The following SPIN1 variants were observed in gnomAD, a reference collection of about 807,000 sequenced individuals.
The protein encoded by SPIN1 is spindlin 1, also known as spindlin-1.
A neutral mutation model predicts 26.0 loss-of-function variants in SPIN1; 3 were observed. The observed-to-expected ratio is 0.12, with a 90% CI of 0.05 to 0.30. The LOEUF (loss-of-function observed/expected upper bound fraction) is 0.30, where lower values mean the gene tolerates loss of function less well. Among genes scored for constraint, SPIN1 ranks in the 10% least tolerant of loss-of-function variants. SPIN1 has a pLI of 1.00. For synonymous variants in SPIN1, 101 were observed against 116.5 expected (o/e 0.87, Z 0.86); for missense variants, 126 against 333.4 (o/e 0.38, Z 4.84).
Position 88,403,603 on chromosome 9 carries a change from C to T in SPIN1, c.-159+15065C>T, listed in dbSNP as rs534534606. Among the ~76,000 whole-genome samples the T allele has an allele frequency of 3.9e-5, 6 of 152,056 alleles. No homozygotes were observed. In the South Asian group the frequency reaches 6.2e-4, roughly 16 times the overall value. On this transcript the variant is annotated intron_variant, in intron 1 of 5. Coordinates refer to ENST00000375859, the MANE Select transcript of SPIN1 (RefSeq NM_006717.3). ...GCACACACCTGTAGTCCCAGCTACT[C>T]GGGAGGGTAATGTGGGTGGATCACC...
intron 1 of SPIN1, among the ~76,000 whole-genome samples, chr9:88,395,754 A>T (rs1385033830): frequency 6.6e-6 from 1 of 151,972 alleles, no homozygotes; most frequent in Non-Finnish European, 1.5e-5. Context: ...AGCCTAAAAA[A>T]ATTACATTTT....
intron 1 of SPIN1, among the ~76,000 whole-genome samples, chr9:88,422,716 T>G (rs1235288671): frequency 1.0e-5 from 1 of 99,018 alleles, no homozygotes; most frequent in Non-Finnish European, 2.0e-5. Flanking sequence ...TCTTTTTTCT[T>G]TTTTTTTTTT....
chr9:88,428,436 G>T, intron 2 of SPIN1, among the ~76,000 whole-genome samples: 1 of 152,168 alleles, frequency 6.6e-6, no homozygotes, highest in South Asian at 2.1e-4. Flanking sequence ...GCAATATTTG[G>T]TTTTCTCTTT....
intron 2 of SPIN1, among the ~76,000 whole-genome samples, chr9:88,440,620 C>T (rs1035258831): frequency 6.6e-6 from 1 of 151,702 alleles, no homozygotes; most frequent in Non-Finnish European, 1.5e-5. Flanking sequence ...GCTCTGTTGC[C>T]CAGGCTGGAG....
chr9:88,447,134 G>C (rs1226015324), intron 2 of SPIN1, among the ~76,000 whole-genome samples: 2 of 152,074 alleles, frequency 1.3e-5, no homozygotes, highest in Non-Finnish European at 2.9e-5. Flanking sequence ...GCTATTTTGA[G>C]TAGTTTGTAT....
At chr9:88,427,848 G>A (rs978955209) in intron 2 of SPIN1, among the ~76,000 whole-genome samples, 1 of 151,914 alleles carries the variant, frequency 6.6e-6, no homozygotes, top group Non-Finnish European at 1.5e-5. Context: ...ATCCTCCCGC[G>A]TCAGCCTCCC....
At chr9:88,400,217 T>C (rs1037296459) in intron 1 of SPIN1, among the ~76,000 whole-genome samples, 1 of 152,090 alleles carries the variant, frequency 6.6e-6, no homozygotes, top group South Asian at 2.1e-4. Flanking sequence ...CCCCAGAGAG[T>C]GAGGTGACCC....
chr9:88,471,022 T>A (rs1210496616), intron 5 of SPIN1, among the ~76,000 whole-genome samples: 1 of 152,358 alleles, frequency 6.6e-6, no homozygotes, highest in African/African-American at 2.4e-5. Context: ...TTATCAGATA[T>A]ATGTTGCAAA....
intron 5 of SPIN1, among the ~76,000 whole-genome samples, chr9:88,472,299 A>G (rs1394907754): frequency 6.6e-6 from 1 of 152,098 alleles, no homozygotes; most frequent in Non-Finnish European, 1.5e-5. Context: ...CCATGGCTTG[A>G]TCTCAGCTCA....
intron 1 of SPIN1, among the ~76,000 whole-genome samples, chr9:88,398,045 C>T (rs1827104320): frequency 6.6e-6 from 1 of 151,782 alleles, no homozygotes; most frequent in African/African-American, 2.4e-5. Flanking sequence ...ATCTCAGCCT[C>T]CCGCGTAGCT....
chr9:88,473,625 T>C (rs1436295632), intron 5 of SPIN1, among the ~76,000 whole-genome samples: 1 of 149,112 alleles, frequency 6.7e-6, no homozygotes, highest in African/African-American at 2.6e-5. Context: ...ATCTTCCCTC[T>C]CCTTTAATTC....
chr9:88,446,486 A>C (rs1479011568), intron 2 of SPIN1, among the ~76,000 whole-genome samples: 6 of 150,064 alleles, frequency 4.0e-5, no homozygotes, highest in African/African-American at 1.5e-4. Context: ...GGCTTACTGC[A>C]ACCTCCGCCT....
At chr9:88,443,482 T>TG (rs1288303092) in intron 2 of SPIN1, among the ~76,000 whole-genome samples, 1 of 152,218 alleles carries the variant, frequency 6.6e-6, no homozygotes, top group East Asian at 1.9e-4. Flanking sequence ...CTTTAGAGAT[T>TG]TAGCATATTA....
intron 3 of SPIN1, among the ~76,000 whole-genome samples, chr9:88,451,368 G>A (rs537124589): frequency 2.0e-5 from 3 of 152,304 alleles, no homozygotes; most frequent in Admixed American, 1.3e-4. Context: ...AAGGAGTCTG[G>A]TGTGAAGTAC....
At chr9:88,430,137 A>G (rs1010721697) in intron 2 of SPIN1, among the ~76,000 whole-genome samples, 1 of 152,146 alleles carries the variant, frequency 6.6e-6, no homozygotes, top group African/African-American at 2.4e-5. Context: ...ATCACCAAAA[A>G]AGGGTTTTGT....
At chr9:88,401,637 G>A (rs1827189399) in intron 1 of SPIN1, among the ~76,000 whole-genome samples, 1 of 152,190 alleles carries the variant, frequency 6.6e-6, no homozygotes, top group African/African-American at 2.4e-5. Context: ...AAAACTTTAT[G>A]TGTTTGGTAC....
intron 4 of SPIN1, among the ~76,000 whole-genome samples, chr9:88,467,493 C>T (rs1372882748): frequency 6.6e-6 from 1 of 152,128 alleles, no homozygotes; most frequent in African/African-American, 2.4e-5. Context: ...CAAAAGGAAC[C>T]GGCCTTCTGA....
At chr9:88,446,308 A>G (rs1437394832) in intron 2 of SPIN1, among the ~76,000 whole-genome samples, 2 of 151,832 alleles carry the variant, frequency 1.3e-5, no homozygotes, top group Admixed American at 6.6e-5. Context: ...AATTGGTACA[A>G]TTAGACTGTT....
chr9:88,409,607 G>C (rs973841288), intron 1 of SPIN1, among the ~76,000 whole-genome samples: 27 of 151,710 alleles, frequency 1.8e-4, no homozygotes, highest in Non-Finnish European at 3.2e-4. Flanking sequence ...AGGCCGAGGC[G>C]GGCGGATCAC....
Sources: gnomAD v4.1 joint callset for allele counts (sites outside exome capture counted in the v4.1 genomes callset) on GRCh38, gnomAD v4.1.1 for gene constraint, MANE v1.5 for transcripts, NCBI Gene and HGNC (gene_info 2026-07-23, HGNC 2026-07-21) for gene names.